The following PRKCI variants were observed in gnomAD, a reference collection of about 807,000 sequenced individuals.
PRKCI encodes protein kinase C iota type.
Under a neutral mutation model 84.0 loss-of-function variants are expected in PRKCI, and 43 were observed. The ratio of observed to expected loss-of-function variants is 0.51; its 90% CI spans 0.40 to 0.66. The LOEUF (loss-of-function observed/expected upper bound fraction) is 0.66, where lower values mean the gene tolerates loss of function less well. Among genes scored for constraint, PRKCI ranks in the 30% least tolerant of loss-of-function variants. PRKCI has a pLI of 0.00. For missense variants in PRKCI, 459 were observed against 745.6 expected (o/e 0.62, Z 4.48); for synonymous variants, 216 against 234.4 (o/e 0.92, Z 0.72).
At chr3:170,265,687 T>A (rs918591252) in intron 4 of PRKCI, among the ~76,000 whole-genome samples, 5 of 151,920 alleles carry the variant, frequency 3.3e-5, no homozygotes, top group Admixed American at 3.3e-4. Flanking sequence ...AGAACTCGGC[T>A]GACTGCAAGC....
At chr3:170,229,006 G>C (rs1028885218) in intron 1 of PRKCI, among the ~76,000 whole-genome samples, 1 of 151,974 alleles carries the variant, frequency 6.6e-6, no homozygotes, top group Non-Finnish European at 1.5e-5. Context: ...TTTGACTAGG[G>C]ATAATGGCCT....
intron 2 of PRKCI, among the ~76,000 whole-genome samples, chr3:170,245,576 C>T (rs571954017): frequency 4.6e-5 from 7 of 152,006 alleles, no homozygotes; most frequent in African/African-American, 1.5e-4. Context: ...ATTGGCATCC[C>T]GTCTCCAGTT....
intron 11 of PRKCI, among the ~76,000 whole-genome samples, chr3:170,282,258 C>T (rs979810994): frequency 2.0e-5 from 3 of 152,148 alleles, no homozygotes; most frequent in African/African-American, 7.2e-5. Flanking sequence ...TAAAACCAAT[C>T]CTTTTCAAAT....
At chr3:170,289,375 G>T (rs1255960386) in intron 12 of PRKCI, among the ~76,000 whole-genome samples, 1 of 152,036 alleles carries the variant, frequency 6.6e-6, no homozygotes, top group Non-Finnish European at 1.5e-5. Flanking sequence ...TATATAACAG[G>T]GTGAAATTTG....
intron 1 of PRKCI, among the ~76,000 whole-genome samples, chr3:170,231,981 C>T (rs568500679): frequency 7.7e-4 from 117 of 151,866 alleles, no homozygotes; most frequent in African/African-American, 2.4e-3. Context: ...GGTGACAGAG[C>T]GAGACTCTGT....
Position 170,267,120 on chromosome 3 carries a change from C to CG in PRKCI, c.365-788dup, listed in dbSNP as rs923887970. Among the ~76,000 whole-genome samples the CG allele has an allele frequency of 2.4e-4, 36 of 151,306 alleles. No homozygotes were observed. In the Middle Eastern group the frequency reaches 0.01, roughly 43 times the overall value. On this transcript the variant is annotated intron_variant, in intron 4 of 17. Transcript: ENST00000295797. ...ATTGTGGTTAGGTAGAATTGGGTGG[C>CG]GGGGGGGTGCGGAATATCCTTAATC...
At chr3:170,302,531 T>TAAC (rs978265589) in intron 17 of PRKCI, among the ~76,000 whole-genome samples, 2 of 152,282 alleles carry the variant, frequency 1.3e-5, no homozygotes, top group Non-Finnish European at 1.5e-5. Flanking sequence ...AAGCCCAGTG[T>TAAC]AACAAAATGC....
Position 170,270,529 on chromosome 3 carries a change from A to G in PRKCI, c.559A>G (p.Thr187Ala), listed in dbSNP as rs776837368. 3.1e-6 allele frequency: 5 copies of G among 1,613,090 alleles called. No homozygotes were observed. The highest frequency in any genetic ancestry group is 4.2e-6 in the Non-Finnish European group (5 of 1,179,726). Reference sequence around the variant, plus strand: ...TCATAAGAAGTGCCATAAACTCGTCACAATTGAATGTGGGCGGCATTCTTT... The same window carrying G: ...TCATAAGAAGTGCCATAAACTCGTCGCAATTGAATGTGGGCGGCATTCTTT... ...LVHKKCHKLV[T>A]IECGRHSLPQ... The change falls in exon 6 of 18, where the codon ACA (threonine) becomes GCA (alanine). Residue 187 changes from threonine to alanine, a missense_variant. By Grantham distance (58) the Thr-to-Ala change is moderately conservative. Transcript: ENST00000295797.
chr3:170,295,673 C>A (rs1385493666), intron 14 of PRKCI, among the ~76,000 whole-genome samples: 5 of 142,876 alleles, frequency 3.5e-5, no homozygotes, highest in Non-Finnish European at 7.6e-5. Context: ...AAGACTCCAT[C>A]TCAAAAAAAA....
In PRKCI at chr3:170,273,097, T is replaced by C. The variant is rs113990478; in HGVS notation, c.592-189T>C. 1.5e-3 allele frequency among the ~76,000 whole-genome samples: 227 copies of C among 152,374 alleles called. 2 individuals carry two copies. Among genetic ancestry groups the C allele is most frequent in the African/African-American group, 4.7e-3 (195 of 41,592 alleles). ...GTTTTGTATTTTCTTTTCTGTAAAATGTGACTAACATTACCTCATTCACAG... is the reference window on the plus strand; with the variant it reads ...GTTTTGTATTTTCTTTTCTGTAAAACGTGACTAACATTACCTCATTCACAG... On this transcript the variant is annotated intron_variant, in intron 6 of 17. Coordinates refer to ENST00000295797, the MANE Select transcript of PRKCI (RefSeq NM_002740.6).
intron 5 of PRKCI, 120 bp from the exon 6 acceptor site, chr3:170,270,301 T>G (rs926569121): frequency 1.8e-5 from 18 of 1,013,992 alleles, no homozygotes; most frequent in Middle Eastern, 3.5e-4. Flanking sequence ...TGCTTTTGTT[T>G]TTGTTTTTGT....
At chr3:170,227,948 G>T (rs904520353) in intron 1 of PRKCI, among the ~76,000 whole-genome samples, 1 of 152,132 alleles carries the variant, frequency 6.6e-6, no homozygotes, top group Non-Finnish European at 1.5e-5. Flanking sequence ...ATTTTAAGGG[G>T]TAGTATCAGT....
intron 14 of PRKCI, 88 bp from the exon 15 acceptor site, chr3:170,295,823 C>A: frequency 1.4e-6 from 1 of 710,022 alleles, no homozygotes; most frequent in Non-Finnish European, 2.1e-6. Context: ...CCAACCTGGG[C>A]AACAGAACAA....
intron 2 of PRKCI, among the ~76,000 whole-genome samples, chr3:170,250,442 C>CG (rs538683301): frequency 1.8e-5 from 2 of 109,712 alleles, no homozygotes; most frequent in African/African-American, 7.0e-5. Flanking sequence ...ACCCCCCCCC[C>CG]CCAAAAAAAA....
At chr3:170,264,311 G>A (rs1733806604) in intron 4 of PRKCI, among the ~76,000 whole-genome samples, 2 of 151,210 alleles carry the variant, frequency 1.3e-5, no homozygotes, top group South Asian at 4.2e-4. Flanking sequence ...ACAGAATCTC[G>A]CTTTCTCACC....
intron 5 of PRKCI, among the ~76,000 whole-genome samples, chr3:170,268,559 T>C (rs572192986): frequency 1.3e-5 from 2 of 151,992 alleles, no homozygotes; most frequent in East Asian, 1.9e-4. Flanking sequence ...AATTGAATTT[T>C]AAAATATAAT....
At chr3:170,223,140 T>C (rs1177729067) in intron 1 of PRKCI, among the ~76,000 whole-genome samples, 2 of 152,138 alleles carry the variant, frequency 1.3e-5, no homozygotes, top group African/African-American at 4.8e-5. Context: ...TTCCAAGTGA[T>C]GCCTTAGTTA....
intron 10 of PRKCI, 185 bp downstream of exon 10, chr3:170,281,448 G>C: frequency 1.8e-6 from 1 of 553,154 alleles, no homozygotes; most frequent in Non-Finnish European, 3.2e-6. Flanking sequence ...TCAGCATTAG[G>C]AAATGACCTA....
At chr3:170,241,830 TA>T (rs1365476342) in intron 2 of PRKCI, among the ~76,000 whole-genome samples, 27 of 152,058 alleles carry the variant, frequency 1.8e-4, no homozygotes, top group Admixed American at 1.8e-3. Context: ...CTAGCTACTT[TA>T]AAAAAAATTC....
Sources: gnomAD v4.1 joint callset for allele counts (sites outside exome capture counted in the v4.1 genomes callset) on GRCh38, gnomAD v4.1.1 for gene constraint, MANE v1.5 for transcripts, NCBI Gene and HGNC (gene_info 2026-07-23, HGNC 2026-07-21) for gene names.